The following PLS3 variants were observed in gnomAD, a reference collection of about 807,000 sequenced individuals.
PLS3 encodes the protein plastin 3, also known as plastin-3.
In PLS3, 11 loss-of-function variants were observed where a neutral mutation model predicts 46.5. The ratio of observed to expected loss-of-function variants is 0.24; its 90% confidence interval spans 0.15 to 0.39. PLS3 has a LOEUF of 0.39. Among genes scored for constraint, PLS3 ranks in the 10% least tolerant of loss-of-function variants. The pLI is 1.00. For missense variants in PLS3, 308 were observed against 461.8 expected, an observed-to-expected ratio of 0.67 and a Z score of 3.05; for synonymous variants, 167 against 162.2, an observed-to-expected ratio of 1.03 and a Z score of -0.22.
intron 2 of PLS3, among the ~76,000 whole-genome samples, chrX:115,613,672 T>A (rs1556636383): frequency 9.0e-6 from 1 of 111,408 alleles, no homozygotes; most frequent in African/African-American, 3.3e-5. Flanking sequence ...CATGTGTGGG[T>A]GCATGGGTAA....
At chrX:115,637,572 T>C (rs2147560197) in intron 8 of PLS3, among the ~76,000 whole-genome samples, 1 of 111,818 alleles carries the variant, frequency 8.9e-6, no homozygotes, top group East Asian at 2.8e-4. Context: ...TCACTGTTTA[T>C]CATGAGCAGT....
chrX:115,604,976 T>C (rs1277439103), intron 1 of PLS3, among the ~76,000 whole-genome samples: 1 of 112,016 alleles, frequency 8.9e-6, no homozygotes, highest in Admixed American at 9.5e-5. Flanking sequence ...ATTAAACAAC[T>C]TTATTTTAAG....
intron 1 of PLS3, among the ~76,000 whole-genome samples, chrX:115,569,303 A>T (rs2074198180): frequency 9.0e-6 from 1 of 111,390 alleles, no homozygotes; most frequent in Non-Finnish European, 1.9e-5. Context: ...CTTTATGTTT[A>T]ATATTATTAT....
intron 1 of PLS3, among the ~76,000 whole-genome samples, chrX:115,607,963 G>A (rs2074510925): frequency 9.0e-6 from 1 of 111,443 alleles, no homozygotes; most frequent in Admixed American, 9.6e-5. Context: ...CTTCTAATAG[G>A]AAAAAAAGGA....
chrX:115,575,932 T>C (rs1556631132), intron 1 of PLS3, among the ~76,000 whole-genome samples: 1 of 111,924 alleles, frequency 8.9e-6, no homozygotes, highest in Non-Finnish European at 1.9e-5. Flanking sequence ...TTAATCACAT[T>C]TTTTGAACAC....
chrX:115,607,564 T>C (rs1299097278), intron 1 of PLS3, among the ~76,000 whole-genome samples: 1 of 107,865 alleles, frequency 9.3e-6, no homozygotes, highest in Non-Finnish European at 1.9e-5. Context: ...AGTGGTACGA[T>C]CTCCGCTCAC....
At chrX:115,589,912 G>A (rs1409880835) in intron 1 of PLS3, among the ~76,000 whole-genome samples, 4 of 112,130 alleles carry the variant, frequency 3.6e-5, no homozygotes, top group African/African-American at 1.3e-4. Flanking sequence ...AGGCTGGAGT[G>A]CAGTGGTGCA....
At chrX:115,595,406 A>G (rs1057272151) in intron 1 of PLS3, among the ~76,000 whole-genome samples, 5 of 110,855 alleles carry the variant, frequency 4.5e-5, no homozygotes, top group Non-Finnish European at 7.5e-5. Context: ...AGAAAAATGA[A>G]CTCATTTCTT....
chrX:115,578,755 A>C (rs1367649186), intron 1 of PLS3, among the ~76,000 whole-genome samples: 4 of 110,262 alleles, frequency 3.6e-5, no homozygotes, highest in African/African-American at 1.3e-4. Flanking sequence ...TATAGAATTA[A>C]TACAAGTAAA....
intron 1 of PLS3, among the ~76,000 whole-genome samples, chrX:115,585,801 C>A (rs1556632363): frequency 9.0e-6 from 1 of 111,215 alleles, no homozygotes; most frequent in African/African-American, 3.3e-5. Flanking sequence ...TTTGCTCTCC[C>A]CTTTTTTGAG....
intron 1 of PLS3, among the ~76,000 whole-genome samples, chrX:115,566,898 A>C (rs2074178362): frequency 1.0e-5 from 1 of 96,079 alleles, no homozygotes; most frequent in African/African-American, 3.9e-5. Context: ...AGGCTGGTCT[A>C]GAATTCCTGA....
intron 1 of PLS3, among the ~76,000 whole-genome samples, chrX:115,592,133 G>C (rs1226604271): frequency 2.7e-5 from 3 of 111,769 alleles, no homozygotes; most frequent in Admixed American, 9.5e-5. Context: ...TGAGAGTTCG[G>C]TATGCTATCA....
intron 1 of PLS3, among the ~76,000 whole-genome samples, chrX:115,570,753 GT>G (rs2074209221): frequency 9.2e-6 from 1 of 109,050 alleles, no homozygotes; most frequent in Admixed American, 9.8e-5. Flanking sequence ...AATTAGTGGG[GT>G]TTTTTGTGTT....
chrX:115,617,144 T>TA (rs1379026298), intron 2 of PLS3, among the ~76,000 whole-genome samples: 2 of 111,563 alleles, frequency 1.8e-5, no homozygotes, highest in African/African-American at 6.5e-5. Context: ...ACAGGGTAGG[T>TA]ACTCAGTTTG....
chrX:115,646,044 A>G, intron 11 of PLS3, 28 bp from the exon 12 acceptor site: 1 of 876,031 alleles, frequency 1.1e-6, no homozygotes, highest in Non-Finnish European at 1.7e-6. Flanking sequence ...TCCTGAAAAC[A>G]CTGATTACAT....
At chrX:115,635,174 T>G in intron 7 of PLS3, 128 bp downstream of exon 7, 1 of 534,315 alleles carries the variant, frequency 1.9e-6, no homozygotes, top group Middle Eastern at 4.5e-4. Context: ...GGTAATGCTA[T>G]AGAGTTATTC....
intron 1 of PLS3, among the ~76,000 whole-genome samples, chrX:115,568,634 C>T (rs182245621): frequency 8.9e-6 from 1 of 112,267 alleles, no homozygotes; most frequent in Admixed American, 9.5e-5. Flanking sequence ...TGCACTCTAT[C>T]ATTTTTTAGA....
Position 115,647,949 on chromosome X carries a change from A to T in PLS3, c.1692A>T (p.Pro564=). The T allele has an allele frequency of 8.3e-7, 1 of 1,208,157 alleles. No homozygotes were observed. Among genetic ancestry groups the T allele is most frequent in the Non-Finnish European group, 1.1e-6 (1 of 892,050 alleles). The change falls in exon 15 of 16, where the codon CCA becomes CCT. Residue 564 remains proline, a synonymous_variant. Coordinates refer to ENST00000355899, the MANE Select transcript of PLS3 (RefSeq NM_005032.7). ...TGGATTTAATTGATGCCATCCAGCC[A>T]GGCTGTATAAACTATGACCTTGTGA... ...AVVDLIDAIQ[P]GCINYDLVKS...
At chrX:115,581,331 G>T (rs1265106077) in intron 1 of PLS3, among the ~76,000 whole-genome samples, 1 of 111,347 alleles carries the variant, frequency 9.0e-6, no homozygotes, top group Non-Finnish European at 1.9e-5. Context: ...ATGGAGTTTG[G>T]GATATGTTTA....
Sources: gnomAD v4.1 joint callset for allele counts (sites outside exome capture counted in the v4.1 genomes callset) on GRCh38, gnomAD v4.1.1 for gene constraint, MANE v1.5 for transcripts, NCBI Gene and HGNC (gene_info 2026-07-23, HGNC 2026-07-21) for gene names.